Variants in ERG observed in about 807,000 individuals in gnomAD.
The protein encoded by ERG is transcriptional regulator ERG.
ERG carries 9 observed loss-of-function variants against 55.3 expected under a neutral mutation model. The ratio of observed to expected loss-of-function variants is 0.16; its 90% CI spans 0.10 to 0.28. The LOEUF is 0.28. ERG is among the 10% of genes least tolerant of loss of function. The pLI, the probability that ERG is intolerant of heterozygous loss-of-function variation, is 1.00. For missense variants in ERG, 434 were observed against 631.6 expected (o/e 0.69, Z 3.35); for synonymous variants, 223 against 237.3 (o/e 0.94, Z 0.55).
intron 1 of ERG, among the ~76,000 whole-genome samples, chr21:38,583,248 G>A (rs535662831): frequency 6.6e-6 from 1 of 152,302 alleles, no homozygotes; most frequent in Admixed American, 6.5e-5. Context: ...CCCTGACTGG[G>A]GCAGAGGCCT....
At chr21:38,441,769 G>A (rs866339980) in intron 2 of ERG, among the ~76,000 whole-genome samples, 1 of 152,188 alleles carries the variant, frequency 6.6e-6, no homozygotes, top group Non-Finnish European at 1.5e-5. Context: ...GCCTCAAAGC[G>A]GAGGCAGCCT....
At chr21:38,581,038 A>C (rs2060025275) in intron 1 of ERG, among the ~76,000 whole-genome samples, 1 of 152,204 alleles carries the variant, frequency 6.6e-6, no homozygotes, top group East Asian at 1.9e-4. Flanking sequence ...AGACCCAGGG[A>C]AACACACACA....
intron 2 of ERG, among the ~76,000 whole-genome samples, chr21:38,559,712 G>A (rs8128006): frequency 0.48 from 72,952 of 151,868 alleles, 19,617 homozygotes; most frequent in Non-Finnish European, 0.63. Flanking sequence ...ACAGAGTTTC[G>A]CTCTTGTTGC....
At chr21:38,476,032 G>A (rs974229587) in intron 1 of ERG, among the ~76,000 whole-genome samples, 31 of 152,114 alleles carry the variant, frequency 2.0e-4, no homozygotes, top group Non-Finnish European at 4.4e-4. Flanking sequence ...CTATTTTCAG[G>A]CAAATATGTC....
rs1013808663 is a variant in ERG at position 38,382,339 on chromosome 21, G to A, written c.*1064C>T. ...TACCCAAAATGCCTGCGTGATTTCT[G>A]ATTGTGGCAGCCAAGAAGGCCATCT... On this transcript the variant is annotated 3_prime_UTR_variant, in exon 10 of 10. Coordinates refer to ENST00000288319, the MANE Select transcript of ERG (RefSeq NM_182918.4). 3 of 1,058,514 alleles carry A rather than the reference G, an allele frequency of 2.8e-6. No individual in the cohort carries two copies. Among genetic ancestry groups the A allele is most frequent in the African/African-American group, 1.6e-5 (1 of 60,708 alleles). 65.6% of individuals were successfully genotyped at this position (1,058,514 alleles called of 1,614,324 possible).
chr21:38,583,752 A>C (rs1484826612), intron 1 of ERG, among the ~76,000 whole-genome samples: 1 of 152,188 alleles, frequency 6.6e-6, no homozygotes, highest in Non-Finnish European at 1.5e-5. Context: ...ACAAGATTTA[A>C]AGACAGACCT....
chr21:38,388,711 C>T (rs1216610167), intron 9 of ERG, among the ~76,000 whole-genome samples: 4 of 152,076 alleles, frequency 2.6e-5, no homozygotes, highest in African/African-American at 9.7e-5. Context: ...GGGATGTTGC[C>T]ATTTTCTCCA....
chr21:38,406,301 G>A (rs1240951131), intron 3 of ERG, among the ~76,000 whole-genome samples: 6 of 152,030 alleles, frequency 3.9e-5, no homozygotes, highest in Non-Finnish European at 8.8e-5. Flanking sequence ...CCAAACACTT[G>A]GAAACATGTT....
intron 2 of ERG, among the ~76,000 whole-genome samples, chr21:38,548,985 C>T (rs546638230): frequency 3.3e-5 from 5 of 151,494 alleles, no homozygotes; most frequent in South Asian, 2.1e-4. Context: ...TGGTGGTGGG[C>T]GCCTGTAGTC....
In ERG at chr21:38,515,012, A is replaced by G. The variant is rs529657920; in HGVS notation, c.-41+60650T>C. Among the ~76,000 whole-genome samples the G allele has an allele frequency of 1.8e-3, 275 of 152,142 alleles. 1 individual carries two copies. The highest frequency in any genetic ancestry group is 6.4e-3 in the African/African-American group (265 of 41,572). On this transcript the variant is annotated intron_variant, in intron 2 of 8. Transcript: ENST00000398897. ...ATTAGCATTAAAAATACCTTACAAT[A>G]TGGACATAAATCTAACATAATACGT...
At chr21:38,484,213 C>T (rs2059263390) in intron 1 of ERG, among the ~76,000 whole-genome samples, 1 of 152,128 alleles carries the variant, frequency 6.6e-6, no homozygotes, top group Non-Finnish European at 1.5e-5. Context: ...AATCCACCCG[C>T]CTCAACCTCC....
intron 1 of ERG, among the ~76,000 whole-genome samples, chr21:38,652,952 C>T (rs2060496952): frequency 6.6e-6 from 1 of 152,194 alleles, no homozygotes; most frequent in Admixed American, 6.5e-5. Flanking sequence ...GCATTCACCC[C>T]TTTTCTAGAT....
At chr21:38,607,855 G>A (rs2060205216) in intron 1 of ERG, among the ~76,000 whole-genome samples, 1 of 152,108 alleles carries the variant, frequency 6.6e-6, no homozygotes, top group African/African-American at 2.4e-5. Flanking sequence ...TAGGGGAGCA[G>A]AGTCAGAGGG....
chr21:38,650,353 T>C (rs1364281103), intron 1 of ERG, among the ~76,000 whole-genome samples: 1 of 152,190 alleles, frequency 6.6e-6, no homozygotes, highest in African/African-American at 2.4e-5. Flanking sequence ...AAGAGTAGCA[T>C]AGGCTGGGCA....
chr21:38,624,598 C>T (rs759973837), intron 1 of ERG, among the ~76,000 whole-genome samples: 49 of 152,150 alleles, frequency 3.2e-4, no homozygotes, highest in Non-Finnish European at 5.4e-4. Flanking sequence ...CCGTTCACAG[C>T]GTAGGGCTGG....
intron 1 of ERG, among the ~76,000 whole-genome samples, chr21:38,592,004 A>G (rs1056402235): frequency 3.3e-5 from 5 of 152,218 alleles, no homozygotes; most frequent in Admixed American, 6.5e-5. Flanking sequence ...TAAGGACGTT[A>G]CTGTCTGGGG....
At chr21:38,543,355 G>GTGT (rs1555856205) in intron 2 of ERG, among the ~76,000 whole-genome samples, 4 of 61,534 alleles carry the variant, frequency 6.5e-5, no homozygotes, top group African/African-American at 1.3e-4. Context: ...GTATATGTGT[G>GTGT]TTTTTTTTTA....
chr21:38,458,423 CAAA>C (rs35307490), intron 1 of ERG, among the ~76,000 whole-genome samples: 48 of 83,698 alleles, frequency 5.7e-4, no homozygotes, highest in Non-Finnish European at 6.0e-4. Flanking sequence ...GACTCTGGCT[CAAA>C]AAAAAAAAAA....
chr21:38,456,991 T>C (rs1299698155), intron 1 of ERG, among the ~76,000 whole-genome samples: 1 of 152,218 alleles, frequency 6.6e-6, no homozygotes, highest in African/African-American at 2.4e-5. Context: ...GAGACTTGAT[T>C]TTTATGACTC....
Sources: gnomAD v4.1 joint callset for allele counts (sites outside exome capture counted in the v4.1 genomes callset) on GRCh38, gnomAD v4.1.1 for gene constraint, MANE v1.5 for transcripts, NCBI Gene and HGNC (gene_info 2026-07-23, HGNC 2026-07-21) for gene names.